The following DROSHA variants were observed in gnomAD, a reference collection of about 807,000 sequenced individuals.
DROSHA encodes drosha ribonuclease III.
Under a neutral mutation model 181.9 loss-of-function variants are expected in DROSHA, and 56 were observed. The observed-to-expected ratio is 0.31, with a 90% confidence interval of 0.25 to 0.38. DROSHA has a LOEUF of 0.38. DROSHA is among the 10% of genes least tolerant of loss of function. The pLI is 1.00. For missense variants in DROSHA, 1,218 were observed against 1,743.5 expected (o/e 0.70, Z 5.37); for synonymous variants, 524 against 591.2 (o/e 0.89, Z 1.65).
At position 31,456,021 on chromosome 5, in the gene DROSHA, G is replaced by C. The variant is rs570192389; in HGVS notation, c.2575-4381C>G. On this transcript the variant is annotated intron_variant, in intron 20 of 35. Coordinates refer to ENST00000344624, the MANE Select transcript of DROSHA (RefSeq NM_001382508.1). ...TTTAAAATATTAAAGAAAGAAAATG[G>C]GATCCACAGATTTTATATCCAGCCA... Among the ~76,000 whole-genome samples, 15 of 152,136 alleles carry C rather than the reference G, an allele frequency of 9.9e-5. No individual in the cohort carries two copies. In the South Asian group the frequency reaches 3.1e-3, roughly 32 times the overall value.
At chr5:31,523,889 C>T (rs937551515) in intron 5 of DROSHA, among the ~76,000 whole-genome samples, 3 of 148,914 alleles carry the variant, frequency 2.0e-5, no homozygotes, top group Non-Finnish European at 3.0e-5. Context: ...ACAGGAGAAT[C>T]GCTTGAACCC....
Position 31,442,877 on chromosome 5 carries a change from T to C in DROSHA, c.2883-5579A>G, listed in dbSNP as rs934943079. Among the ~76,000 whole-genome samples, 4 of 152,084 alleles carry C rather than the reference T, an allele frequency of 2.6e-5. No individual in the cohort carries two copies. In the East Asian group the frequency reaches 7.7e-4, roughly 29 times the overall value. ...GATCTGAGATCCAGTAGATCTCAGA[T>C]CTACTGGACTTGGGAATTTAACTTG... On this transcript the variant is annotated intron_variant, in intron 23 of 35. Coordinates refer to ENST00000344624, the MANE Select transcript of DROSHA (RefSeq NM_001382508.1).
intron 20 of DROSHA, among the ~76,000 whole-genome samples, chr5:31,452,307 C>T (rs996807919): frequency 6.6e-6 from 1 of 152,210 alleles, no homozygotes; most frequent in Non-Finnish European, 1.5e-5. Context: ...TGAAGAGCTT[C>T]TCAACCAGAT....
intron 20 of DROSHA, among the ~76,000 whole-genome samples, chr5:31,452,610 C>A (rs1271375385): frequency 6.6e-6 from 1 of 152,162 alleles, no homozygotes; most frequent in African/African-American, 2.4e-5. Context: ...TATATTATTT[C>A]AGTCTTTGAA....
At chr5:31,509,076 G>C (rs181813261) in intron 9 of DROSHA, among the ~76,000 whole-genome samples, 1 of 152,080 alleles carries the variant, frequency 6.6e-6, no homozygotes, top group Non-Finnish European at 1.5e-5. Context: ...ACCCGTCTCG[G>C]CCTCCTAAAG....
Position 31,451,583 on chromosome 5 carries a change from G to A in DROSHA, c.2632C>T (p.His878Tyr), listed in dbSNP as rs771020003. 6.2e-5 allele frequency: 100 copies of A among 1,612,864 alleles called. No homozygotes were observed. Among genetic ancestry groups the A allele is most frequent in the Non-Finnish European group, 7.7e-5 (91 of 1,179,484 alleles). Residue 878 changes from histidine (H) to tyrosine (Y), a missense_variant, in exon 21 of 36, where the codon CAT becomes TAT. His to Tyr is a moderately conservative substitution (Grantham distance 83). Coordinates refer to ENST00000344624, the MANE Select transcript of DROSHA (RefSeq NM_001382508.1). ...HHIRYHQCLMHLDKLIGYTFQ... is the reference protein window; with the variant it reads ...HHIRYHQCLMYLDKLIGYTFQ... Reference sequence around the variant, plus strand: ...GTATATCCTATCAACTTGTCCAAATGCATTAGGCATTGGTGGTAGCGGATA... The same window carrying A: ...GTATATCCTATCAACTTGTCCAAATACATTAGGCATTGGTGGTAGCGGATA...
intron 35 of DROSHA, among the ~76,000 whole-genome samples, chr5:31,402,117 C>A (rs1740077813): frequency 6.6e-6 from 1 of 152,130 alleles, no homozygotes. Context: ...TGATGACAGG[C>A]CCAAAGCTGT....
At chr5:31,410,678 G>T (rs1579987410) in intron 31 of DROSHA, 68 bp downstream of exon 31, 6 of 1,539,566 alleles carry the variant, frequency 3.9e-6, no homozygotes, top group Non-Finnish European at 1.8e-6. Context: ...ATGAGGAGGA[G>T]GACAAATACG....
rs746100767 is a variant in DROSHA at position 31,451,596 on chromosome 5, G to C, written c.2619C>G (p.His873Gln). 2 of 1,613,042 alleles carry C rather than the reference G, an allele frequency of 1.2e-6. No homozygotes were observed. Among genetic ancestry groups the C allele is most frequent in the Non-Finnish European group, 1.7e-6 (2 of 1,179,520 alleles). The change falls in exon 21 of 36, where the codon CAC (histidine) becomes CAG (glutamine). Residue 873 changes from histidine (H) to glutamine (Q), a missense_variant. Transcript: ENST00000344624. Reference protein sequence around the residue: ...LPVLTHHIRYHQCLMHLDKLI... With the variant: ...LPVLTHHIRYQQCLMHLDKLI... ...ACTTGTCCAAATGCATTAGGCATTG[G>C]TGGTAGCGGATATGATGGGTCAGAA...
At chr5:31,451,776 A>T (rs1455232101) in intron 20 of DROSHA, 136 bp from the exon 21 acceptor site, 3 of 648,252 alleles carry the variant, frequency 4.6e-6, no homozygotes, top group Non-Finnish European at 5.3e-6. Flanking sequence ...TATTGGCTGC[A>T]TGGCATTCTG....
At chr5:31,488,385 C>T (rs1159382690) in intron 13 of DROSHA, among the ~76,000 whole-genome samples, 1 of 146,110 alleles carries the variant, frequency 6.8e-6, no homozygotes, top group Non-Finnish European at 1.5e-5. Flanking sequence ...TTCACTCCAG[C>T]CTGGGCAAAA....
intron 30 of DROSHA, among the ~76,000 whole-genome samples, chr5:31,413,380 G>C (rs754706844): frequency 6.6e-6 from 1 of 152,208 alleles, no homozygotes; most frequent in Non-Finnish European, 1.5e-5. Flanking sequence ...TGAAAAGAGA[G>C]AAGACCTTGC....
At chr5:31,469,847 C>T (rs1580204024) in intron 17 of DROSHA, among the ~76,000 whole-genome samples, 1 of 152,122 alleles carries the variant, frequency 6.6e-6, no homozygotes, top group South Asian at 2.1e-4. Flanking sequence ...AAAAGTATTC[C>T]TTGGAAGATT....
At chr5:31,402,789 A>G (rs942152638) in intron 35 of DROSHA, among the ~76,000 whole-genome samples, 1 of 152,098 alleles carries the variant, frequency 6.6e-6, no homozygotes, top group African/African-American at 2.4e-5. Flanking sequence ...TCAGAGATTG[A>G]TTTTATTTAT....
At chr5:31,474,798 C>T (rs1750172100) in intron 16 of DROSHA, among the ~76,000 whole-genome samples, 1 of 152,192 alleles carries the variant, frequency 6.6e-6, no homozygotes. Flanking sequence ...TGCTTCCTCT[C>T]TCTTTTATCC....
intron 5 of DROSHA, among the ~76,000 whole-genome samples, chr5:31,523,242 C>T (rs1182228803): frequency 6.6e-6 from 1 of 152,182 alleles, no homozygotes; most frequent in African/African-American, 2.4e-5. Context: ...TGTAGCTATG[C>T]CACTAGGCAG....
intron 30 of DROSHA, among the ~76,000 whole-genome samples, chr5:31,415,610 T>C (rs1449767790): frequency 1.3e-5 from 2 of 152,242 alleles, no homozygotes; most frequent in Admixed American, 1.3e-4. Flanking sequence ...CCTTGCTCTC[T>C]TTCCCATTAT....
At chr5:31,449,206 T>C in intron 22 of DROSHA, 75 bp downstream of exon 22, 5 of 1,569,074 alleles carry the variant, frequency 3.2e-6, no homozygotes, top group Middle Eastern at 1.7e-4. Context: ...GAACCATTCC[T>C]AGAGGCGAAA....
At chr5:31,482,020 A>C (rs1751084626) in intron 16 of DROSHA, among the ~76,000 whole-genome samples, 2 of 152,216 alleles carry the variant, frequency 1.3e-5, no homozygotes, top group African/African-American at 4.8e-5. Context: ...CGACAGGCTC[A>C]CTGCAGGGCT....
Sources: allele counts gnomAD v4.1 joint callset (sites outside exome capture counted in the v4.1 genomes callset), GRCh38; gene constraint gnomAD v4.1.1; transcripts MANE v1.5; gene names NCBI Gene and HGNC (gene_info 2026-07-23, HGNC 2026-07-21).